CGAS: variants seen among roughly 807,000 people sequenced by gnomAD.
CGAS encodes 2'3'-cGAMP synthase.
CGAS carries 31 observed loss-of-function variants against 34.0 expected under a neutral mutation model. The observed-to-expected ratio is 0.91, with a 90% CI of 0.69 to 1.23. The LOEUF (loss-of-function observed/expected upper bound fraction) is 1.23, where lower values mean the gene tolerates loss of function less well. Ranked by LOEUF, CGAS falls within the 50% of genes most tolerant of loss-of-function variation. CGAS has a pLI of 0.00. For synonymous variants in CGAS, 266 were observed against 260.0 expected, an observed-to-expected ratio of 1.02 and a Z score of -0.22; for missense variants, 597 against 657.6, an observed-to-expected ratio of 0.91 and a Z score of 1.01.
intron 3 of CGAS, among the ~76,000 whole-genome samples, chr6:73,429,935 G>A (rs529806644): frequency 1.3e-5 from 2 of 152,054 alleles, no homozygotes; most frequent in South Asian, 2.1e-4. Context: ...TTTATAATCT[G>A]AATGATTTTT....
chr6:73,450,984 C>A (rs1770553745), intron 1 of CGAS, among the ~76,000 whole-genome samples: 1 of 123,050 alleles, frequency 8.1e-6, no homozygotes, highest in African/African-American at 3.1e-5. Context: ...AGCGAGACTC[C>A]GCCTCAAAAA....
intron 4 of CGAS, among the ~76,000 whole-genome samples, chr6:73,427,941 T>C (rs1245093417): frequency 6.6e-6 from 1 of 152,128 alleles, no homozygotes; most frequent in Non-Finnish European, 1.5e-5. Flanking sequence ...GCCTTCCAAG[T>C]AGCTGGGACC....
intron 3 of CGAS, among the ~76,000 whole-genome samples, chr6:73,430,719 T>C (rs1190243218): frequency 1.3e-5 from 2 of 151,974 alleles, no homozygotes; most frequent in African/African-American, 4.8e-5. Context: ...GTTACCAAGA[T>C]TGTGGATACA....
In CGAS at chr6:73,425,210, T is replaced by C; in HGVS notation, c.*17A>G. ...TTAGGGTGACTCTAGTTCTTAGATC[T>C]TTCTAAAAATACAATCTCAAAATTC... On this transcript the variant is annotated 3_prime_UTR_variant, in exon 5 of 5. Transcript: ENST00000370315. 1 of 1,520,022 alleles carries C rather than the reference T, an allele frequency of 6.6e-7. No homozygotes were observed. The highest frequency in any genetic ancestry group is 1.2e-5 in the South Asian group (1 of 81,402). The allele number at this position is 1,520,022 out of a possible 1,614,324, so 94.2% of individuals were successfully genotyped here.
chr6:73,425,854 A>G (rs1770077282), intron 4 of CGAS, among the ~76,000 whole-genome samples: 1 of 152,194 alleles, frequency 6.6e-6, no homozygotes, highest in Non-Finnish European at 1.5e-5. Context: ...CACGCCTGTA[A>G]TCCCAGCTAC....
chr6:73,452,289 A>G lies in CGAS; in HGVS notation c.-108T>C, dbSNP rs1032186449. 1 of 1,214,794 alleles carries G rather than the reference A, an allele frequency of 8.2e-7. No homozygotes were observed. The highest frequency in any genetic ancestry group is 1.1e-6 in the Non-Finnish European group (1 of 944,216). 75.3% of individuals were successfully genotyped at this position (1,214,794 alleles called of 1,614,324 possible). On this transcript the variant is annotated 5_prime_UTR_variant, in exon 1 of 5. Transcript: ENST00000370315. ...ACCAAGCACTACTGGCGGGCACACA[A>G]GAGTCTGCGACCCGAAGGGGAACCC...
chr6:73,451,851 G>A lies in CGAS; in HGVS notation c.331C>T (p.Arg111Trp), dbSNP rs1423321373. 9.7e-6 allele frequency: 15 copies of A among 1,549,822 alleles called. No homozygotes were observed. The highest frequency in any genetic ancestry group is 2.0e-5 in the Admixed American group (1 of 50,984). ...CCAGCCCTGGAAAGAGCCGGCTCCC[G>A]AGCCGCAGGAGGCTCCAGCCCCTCT... ...GAEGLEPPAA[R>W]EPALSRAGSC... The change falls in exon 1 of 5, where the codon CGG (arginine) becomes TGG (tryptophan). Residue 111 changes from arginine to tryptophan, a missense_variant. Coordinates refer to ENST00000370315, the MANE Select transcript of CGAS (RefSeq NM_138441.3).
intron 1 of CGAS, among the ~76,000 whole-genome samples, chr6:73,450,009 GA>G (rs1382607541): frequency 2.7e-5 from 4 of 146,312 alleles, no homozygotes; most frequent in African/African-American, 1.0e-4. Flanking sequence ...AAAGAAGAAA[GA>G]AGAAAGAAAA....
At position 73,452,077 on chromosome 6, in the gene CGAS, G is replaced by A. The variant is rs768502066; in HGVS notation, c.105C>T (p.Thr35=). The A allele has an allele frequency of 8.3e-6, 13 of 1,566,924 alleles. No individual in the cohort carries two copies. The highest frequency in any genetic ancestry group is 8.2e-5 in the African/African-American group (6 of 73,274). The change falls in exon 1 of 5, where the codon ACC becomes ACT. Residue 35 remains threonine, a synonymous_variant. Coordinates refer to ENST00000370315, the MANE Select transcript of CGAS (RefSeq NM_138441.3). The stretch of plus-strand genomic sequence containing the variant: ...CGGCCTCGGGGGCAGCCGGAGACTC[G>A]GTGGGATCCATCGGGGCGCCCCTGG... ...RNARGAPMDP[T]ESPAAPEAAL... is the part of the protein sequence containing the mutation.
In CGAS at chr6:73,425,212, TC is replaced by T; in HGVS notation, c.*14del. On this transcript the variant is annotated 3_prime_UTR_variant, in exon 5 of 5. Coordinates refer to ENST00000370315, the MANE Select transcript of CGAS (RefSeq NM_138441.3). The stretch of plus-strand genomic sequence containing the variant: ...AGGGTGACTCTAGTTCTTAGATCTT[TC>T]TAAAAATACAATCTCAAAATTCATC... 1 of 1,525,500 alleles carries T rather than the reference TC, an allele frequency of 6.6e-7. No homozygotes were observed. The highest frequency in any genetic ancestry group is 8.8e-7 in the Non-Finnish European group (1 of 1,131,328). The allele number at this position is 1,525,500 out of a possible 1,614,324, so 94.5% of individuals were successfully genotyped here.
At position 73,445,684 on chromosome 6, in the gene CGAS, C is replaced by A. The variant is rs778507101; in HGVS notation, c.721G>T (p.Glu241Ter). Reference protein sequence around the residue: ...KLEVPRIQLEEYSNTRAYYFV... With the variant: ...KLEVPRIQLE ...TAATATGCACGAGTGTTGGAATATT[C>A]TTCTAGTTGAATTCTGGGGACTTCC... is the stretch of plus-strand genomic sequence containing the variant. Residue 241 changes from glutamate to a stop codon, truncating the protein, a stop_gained, in exon 2 of 5, where the codon GAA (glutamate) becomes TAA (stop). Transcript: ENST00000370315. LOFTEE classifies it high-confidence loss of function. 8 of 1,612,042 alleles carry A rather than the reference C, an allele frequency of 5.0e-6. No individual in the cohort carries two copies. Among genetic ancestry groups the A allele is most frequent in the Non-Finnish European group, 5.9e-6 (7 of 1,179,396 alleles).
intron 3 of CGAS, among the ~76,000 whole-genome samples, chr6:73,433,635 C>A (rs1317592578): frequency 6.6e-6 from 1 of 151,942 alleles, no homozygotes; most frequent in Non-Finnish European, 1.5e-5. Flanking sequence ...ACTACAGGCA[C>A]GTGCCACCAT....
At chr6:73,436,758 A>G (rs540083014) in intron 3 of CGAS, among the ~76,000 whole-genome samples, 5 of 151,540 alleles carry the variant, frequency 3.3e-5, no homozygotes, top group African/African-American at 1.2e-4. Flanking sequence ...CCTGAGCTCA[A>G]ATGATCCACC....
Position 73,451,828 on chromosome 6 carries a change from A to G in CGAS, c.354T>C (p.Ala118=), listed in dbSNP as rs1209978610. 2.6e-6 allele frequency: 4 copies of G among 1,553,574 alleles called. No homozygotes were observed. In the East Asian group the frequency reaches 9.8e-5, roughly 38 times the overall value. Residue 118 remains alanine (A), a synonymous_variant, in exon 1 of 5, where the codon GCT becomes GCC. Coordinates refer to ENST00000370315, the MANE Select transcript of CGAS (RefSeq NM_138441.3). Reference sequence around the variant, plus strand: ...GCGCGCCCCTCTGGCGGCAAGAACCAGCCCTGGAAAGAGCCGGCTCCCGAG... The same window carrying G: ...GCGCGCCCCTCTGGCGGCAAGAACCGGCCCTGGAAAGAGCCGGCTCCCGAG... ...PAAREPALSR[A]GSCRQRGARC...
chr6:73,452,237 A>T lies in CGAS; in HGVS notation c.-56T>A. The T allele has an allele frequency of 2.0e-6, 3 of 1,519,830 alleles. No homozygotes were observed. The highest frequency in any genetic ancestry group is 2.6e-6 in the Non-Finnish European group (3 of 1,133,036). 94.1% of individuals were successfully genotyped at this position (1,519,830 alleles called of 1,614,324 possible). A position where few individuals can be genotyped will look rare whatever the true frequency, so the allele number is the denominator to read the frequency against. On this transcript the variant is annotated 5_prime_UTR_variant, in exon 1 of 5. Transcript: ENST00000370315. ...ATCCGTTTCAGGAAAAGGCCGCAAG[A>T]GGAAGAGCCAGCAGCAGCTGTTGGA...
intron 1 of CGAS, among the ~76,000 whole-genome samples, chr6:73,450,101 GA>G (rs997791969): frequency 2.0e-5 from 3 of 150,764 alleles, no homozygotes; most frequent in African/African-American, 7.3e-5. Flanking sequence ...GAGATAGAGA[GA>G]AGAGAAGAGA....
chr6:73,451,999 C>A lies in CGAS; in HGVS notation c.183G>T (p.Gln61His). The part of the protein sequence containing the change: ...FGPARKSGSR[Q>H]KKSAPDTQER... ...CCTGGGTGTCCGGGGCGCTCTTTTT[C>A]TGCCGGGATCCCGACTTCCTGGCGG... The change falls in exon 1 of 5, where the codon CAG becomes CAT. Residue 61 changes from glutamine to histidine, a missense_variant. Physicochemically the swap from Gln to His is conservative, Grantham distance 24 (BLOSUM62 0). This residue lies in a region of CGAS where 321 missense variants were observed against 314.3 expected (regional missense o/e 1.02). Coordinates refer to ENST00000370315, the MANE Select transcript of CGAS (RefSeq NM_138441.3). The A allele has an allele frequency of 6.8e-7, 1 of 1,477,708 alleles. No individual in the cohort carries two copies. 91.5% of individuals were successfully genotyped at this position (1,477,708 alleles called of 1,614,324 possible). A position where few individuals can be genotyped will look rare whatever the true frequency, so the allele number is the denominator to read the frequency against.
intron 3 of CGAS, among the ~76,000 whole-genome samples, chr6:73,439,364 C>T (rs933663247): frequency 3.3e-5 from 5 of 151,572 alleles, no homozygotes; most frequent in African/African-American, 1.2e-4. Context: ...ACCTGTAGTC[C>T]CAGCTACTCG....
At chr6:73,439,525 C>T (rs78675035) in intron 3 of CGAS, among the ~76,000 whole-genome samples, 5,609 of 151,776 alleles carry the variant, frequency 0.037, 339 homozygotes, top group African/African-American at 0.13. Flanking sequence ...AAGTTACTTC[C>T]TTCTACCTTC....
Sources: gnomAD v4.1 joint callset for allele counts (sites outside exome capture counted in the v4.1 genomes callset) on GRCh38, gnomAD v4.1.1 for gene constraint, gnomAD v4.1.1 regional missense constraint, MANE v1.5 for transcripts, NCBI Gene and HGNC (gene_info 2026-07-23, HGNC 2026-07-21) for gene names.